The following PRXL2A variants were observed in gnomAD, a reference collection of about 807,000 sequenced individuals.
PRXL2A encodes peroxiredoxin like 2A, also known as peroxiredoxin-like 2A.
In PRXL2A, 26 loss-of-function variants were observed where a neutral mutation model predicts 25.6. The ratio of observed to expected loss-of-function variants is 1.02; its 90% CI spans 0.74 to 1.41. The LOEUF (loss-of-function observed/expected upper bound fraction) is 1.41, where lower values mean the gene tolerates loss of function less well. Among genes scored for constraint, PRXL2A ranks in the 40% most tolerant of loss-of-function variants. The pLI, the probability that PRXL2A is intolerant of heterozygous loss-of-function variation, is 0.00. For missense variants in PRXL2A, 246 were observed against 273.9 expected, an observed-to-expected ratio of 0.90 and a Z score of 0.72; for synonymous variants, 98 against 102.9, an observed-to-expected ratio of 0.95 and a Z score of 0.29.
In PRXL2A at chr10:80,427,612, T is replaced by C. The variant is rs953686017; in HGVS notation, c.576+116T>C. 8 of 992,444 alleles carry C rather than the reference T, an allele frequency of 8.1e-6. No homozygotes were observed. In the African/African-American group the frequency reaches 1.3e-4, roughly 16 times the overall value. The allele number at this position is 992,444 out of a possible 1,614,324, so 61.5% of individuals were successfully genotyped here. ...CCTGTTTTGGGTCTCCTAGCCTTCCTTCTAGCAAGCCAGGGAACATGAAGA... is the reference window on the plus strand; with the variant it reads ...CCTGTTTTGGGTCTCCTAGCCTTCCCTCTAGCAAGCCAGGGAACATGAAGA... On this transcript the variant is annotated intron_variant, in intron 5 of 5. Transcript: ENST00000606162.
At position 80,421,335 on chromosome 10, in the gene PRXL2A, C is replaced by T. The variant is rs114382232; in HGVS notation, c.178+690C>T. Among the ~76,000 whole-genome samples, 498 of 152,294 alleles carry T rather than the reference C, an allele frequency of 3.3e-3. 4 individuals carry two copies. The highest frequency in any genetic ancestry group is 0.011 in the African/African-American group (457 of 41,572). The stretch of plus-strand genomic sequence containing the variant: ...CAAATGTGTTAGCTCTGCCTCCTTG[C>T]TGTGTGCTCTCAGTGTTAGAGCTGT... On this transcript the variant is annotated intron_variant, in intron 2 of 5. Coordinates refer to ENST00000606162, the MANE Select transcript of PRXL2A (RefSeq NM_032333.5).
chr10:80,417,938 G>A (rs983032229), intron 1 of PRXL2A, among the ~76,000 whole-genome samples: 1 of 151,686 alleles, frequency 6.6e-6, no homozygotes, highest in Non-Finnish European at 1.5e-5. Context: ...AAACTCCTGG[G>A]CTCAAGCAAC....
chr10:80,421,932 G>A (rs554105568), intron 2 of PRXL2A, among the ~76,000 whole-genome samples: 1 of 152,202 alleles, frequency 6.6e-6, no homozygotes. Flanking sequence ...AGCTGGGCTT[G>A]TTGAACTACA....
At chr10:80,427,936 G>A (rs983498725) in intron 5 of PRXL2A, among the ~76,000 whole-genome samples, 1 of 152,160 alleles carries the variant, frequency 6.6e-6, no homozygotes, top group African/African-American at 2.4e-5. Context: ...TTGAACAAAA[G>A]CGTAGTTTTA....
chr10:80,421,793 A>C (rs75323073), intron 2 of PRXL2A, among the ~76,000 whole-genome samples: 11,377 of 152,178 alleles, frequency 0.075, 558 homozygotes, highest in African/African-American at 0.13. Flanking sequence ...TTCATCTTTC[A>C]ATATGCCCTG....
chr10:80,422,663 C>CTTT (rs35293617), intron 3 of PRXL2A, among the ~76,000 whole-genome samples, 155 bp downstream of exon 3: 1 of 142,330 alleles, frequency 7.0e-6, no homozygotes. Flanking sequence ...GATTTGTGCT[C>CTTT]TTTTTTTTTT....
Position 80,432,430 on chromosome 10 carries a change from C to T in PRXL2A, c.*331C>T, listed in dbSNP as rs114611572. 1,790 of 195,060 alleles carry T rather than the reference C, an allele frequency of 9.2e-3. 34 individuals are homozygous for T. Among genetic ancestry groups the T allele is most frequent in the African/African-American group, 0.039 (1,653 of 42,492 alleles). 12.1% of individuals were successfully genotyped at this position (195,060 alleles called of 1,614,324 possible). On this transcript the variant is annotated 3_prime_UTR_variant, in exon 6 of 6. Coordinates refer to ENST00000606162, the MANE Select transcript of PRXL2A (RefSeq NM_032333.5). ...CCAAGGTGAGCAAGTCACTTGAGGT[C>T]GGGAGTTCGAGACCAGCCTGAGCAA...
At chr10:80,417,430 A>T (rs927437953) in intron 1 of PRXL2A, among the ~76,000 whole-genome samples, 7 of 152,176 alleles carry the variant, frequency 4.6e-5, no homozygotes, top group African/African-American at 1.7e-4. Context: ...AGGAGCCCTT[A>T]GTGTCTTGTA....
chr10:80,431,340 G>C (rs1845252259), intron 5 of PRXL2A, among the ~76,000 whole-genome samples: 1 of 150,460 alleles, frequency 6.6e-6, no homozygotes, highest in South Asian at 2.1e-4. Context: ...TGTATTTACA[G>C]ATTTTCTTTT....
rs145671742 is a variant in PRXL2A, at chr10:80,421,246, C to G, written c.178+601C>G. 2.0e-5 allele frequency among the ~76,000 whole-genome samples: 3 copies of G among 152,326 alleles called. No homozygotes were observed. The East Asian group carries it at 5.8e-4, about 29-fold the overall frequency. On this transcript the variant is annotated intron_variant, in intron 2 of 5. Coordinates refer to ENST00000606162, the MANE Select transcript of PRXL2A (RefSeq NM_032333.5). ...TTCAAGGTCACCCGTTAGAGCAGACCTGCCTATCTCCCTCTTCTGGGGGAC... is the reference window on the plus strand; with the variant it reads ...TTCAAGGTCACCCGTTAGAGCAGACGTGCCTATCTCCCTCTTCTGGGGGAC...
At chr10:80,423,855 A>C (rs1009764750) in intron 3 of PRXL2A, among the ~76,000 whole-genome samples, 1 of 152,196 alleles carries the variant, frequency 6.6e-6, no homozygotes, top group Admixed American at 6.5e-5. Flanking sequence ...CAGAATTCCA[A>C]AGCGGAATCT....
intron 4 of PRXL2A, 44 bp downstream of exon 4, chr10:80,426,050 G>C: frequency 6.2e-7 from 1 of 1,610,862 alleles, no homozygotes; most frequent in Non-Finnish European, 8.5e-7. Flanking sequence ...GCTGGGGATT[G>C]TGCTCAGCTG....
In PRXL2A at chr10:80,422,531, T is replaced by G. The variant is rs767536271; in HGVS notation, c.270+23T>G. The G allele has an allele frequency of 1.9e-6, 3 of 1,598,110 alleles. No homozygotes were observed. The East Asian group carries it at 6.7e-5, about 36-fold the overall frequency. On this transcript the variant is annotated intron_variant, in intron 3 of 5. Coordinates refer to ENST00000606162, the MANE Select transcript of PRXL2A (RefSeq NM_032333.5). ...GAGGTGAGTGCAGATGAGGATCTATTCAGAGAAAGGGATCCTGGCAAGTAG... is the reference window on the plus strand; with the variant it reads ...GAGGTGAGTGCAGATGAGGATCTATGCAGAGAAAGGGATCCTGGCAAGTAG...
At chr10:80,420,165 TG>T (rs2131892243) in intron 1 of PRXL2A, 7 of 1,038,258 alleles carry the variant, frequency 6.7e-6, no homozygotes, top group Non-Finnish European at 8.1e-6. Flanking sequence ...GGCTGCAACT[TG>T]GGGCATGAGA....
At chr10:80,424,285 T>C (rs754287799) in intron 3 of PRXL2A, among the ~76,000 whole-genome samples, 33 of 151,760 alleles carry the variant, frequency 2.2e-4, no homozygotes, top group Non-Finnish European at 1.3e-4. Context: ...ACCTTTCATC[T>C]CAGCCAGGTG....
chr10:80,408,627 G>C lies in PRXL2A; in HGVS notation c.-19G>C, dbSNP rs1280053493. ...GCGTCGGGGCGGTAAAAGGCCGGCA[G>C]AAGGGAGGCACTTGAGGTAGGTGCT... On this transcript the variant is annotated 5_prime_UTR_variant, in exon 1 of 6. Coordinates refer to ENST00000606162, the MANE Select transcript of PRXL2A (RefSeq NM_032333.5). 6.6e-6 allele frequency: 1 copy of C among 152,304 alleles called. No homozygotes were observed. Among genetic ancestry groups the C allele is most frequent in the Admixed American group, 6.5e-5 (1 of 15,288 alleles). 9.4% of individuals were successfully genotyped at this position (152,304 alleles called of 1,614,324 possible).
intron 1 of PRXL2A, among the ~76,000 whole-genome samples, chr10:80,414,915 A>C (rs930452653): frequency 2.6e-5 from 4 of 152,234 alleles, no homozygotes; most frequent in Admixed American, 6.5e-5. Flanking sequence ...TAGAAATTAA[A>C]ATTCCTTTGA....
At position 80,428,924 on chromosome 10, in the gene PRXL2A, T is replaced by C. The variant is rs374562670; in HGVS notation, c.576+1428T>C. Among the ~76,000 whole-genome samples, 399 of 152,276 alleles carry C rather than the reference T, an allele frequency of 2.6e-3. 2 individuals are homozygous for C. The highest frequency in any genetic ancestry group is 9.1e-3 in the African/African-American group (378 of 41,546). Reference sequence around the variant, plus strand: ...TAAGCTTTATTTCTTTTTTTTCAGATGGAATCTCACTGTGTTGCCCAGGCT... The same window carrying C: ...TAAGCTTTATTTCTTTTTTTTCAGACGGAATCTCACTGTGTTGCCCAGGCT... On this transcript the variant is annotated intron_variant, in intron 5 of 5. Transcript: ENST00000606162.
chr10:80,409,391 C>CCCGGA (rs1844405173), intron 1 of PRXL2A, among the ~76,000 whole-genome samples: 1 of 152,174 alleles, frequency 6.6e-6, no homozygotes, highest in Non-Finnish European at 1.5e-5. Flanking sequence ...AGGAGGCACA[C>CCCGGA]CCGGGAGTCC....
Sources: gnomAD v4.1 joint callset for allele counts (sites outside exome capture counted in the v4.1 genomes callset) on GRCh38, gnomAD v4.1.1 for gene constraint, MANE v1.5 for transcripts, NCBI Gene and HGNC (gene_info 2026-07-23, HGNC 2026-07-21) for gene names.